FSHR: variants seen among roughly 807,000 people sequenced by gnomAD.
FSHR encodes the protein follicle-stimulating hormone receptor.
A neutral mutation model predicts 52.1 loss-of-function variants in FSHR; 46 were observed. The observed-to-expected ratio is 0.88, with a 90% CI of 0.70 to 1.13. The LOEUF (loss-of-function observed/expected upper bound fraction) is 1.13. Ranked by LOEUF, FSHR falls within the 50% of genes most tolerant of loss-of-function variation. The pLI is 0.00. For missense variants in FSHR, 964 were observed against 834.6 expected (o/e 1.16, Z -1.91); for synonymous variants, 399 against 309.6 (o/e 1.29, Z -3.03).
At chr2:49,038,915 G>A (rs1469021437) in intron 2 of FSHR, among the ~76,000 whole-genome samples, 1 of 152,012 alleles carries the variant, frequency 6.6e-6, no homozygotes, top group African/African-American at 2.4e-5. Context: ...GAAAAGAAGG[G>A]CTAAAGAAAT....
intron 2 of FSHR, among the ~76,000 whole-genome samples, chr2:49,051,043 C>G (rs1021828739): frequency 1.3e-5 from 2 of 152,008 alleles, no homozygotes; most frequent in Non-Finnish European, 2.9e-5. Flanking sequence ...GAGATTTATC[C>G]ATGTTGTTTT....
chr2:48,972,760 A>G (rs1331865932), intron 8 of FSHR, among the ~76,000 whole-genome samples: 1 of 152,186 alleles, frequency 6.6e-6, no homozygotes, highest in Non-Finnish European at 1.5e-5. Flanking sequence ...AACAATTTAG[A>G]CCAAGACCAT....
chr2:49,132,199 A>C (rs1672302428), intron 1 of FSHR, among the ~76,000 whole-genome samples: 1 of 152,052 alleles, frequency 6.6e-6, no homozygotes, highest in East Asian at 1.9e-4. Flanking sequence ...GGTCTCAGTG[A>C]TTTGCTGTGA....
At chr2:49,061,431 T>C (rs960939447) in intron 2 of FSHR, among the ~76,000 whole-genome samples, 1 of 151,112 alleles carries the variant, frequency 6.6e-6, no homozygotes, top group African/African-American at 2.4e-5. Flanking sequence ...TAAAGGAAAC[T>C]ATGGGTCAAA....
At chr2:49,130,529 C>G (rs1299903550) in intron 1 of FSHR, among the ~76,000 whole-genome samples, 1 of 152,196 alleles carries the variant, frequency 6.6e-6, no homozygotes, top group Non-Finnish European at 1.5e-5. Context: ...TTCAGTTCAA[C>G]TCATCTATTG....
chr2:49,087,066 C>A (rs1670421949), intron 1 of FSHR, among the ~76,000 whole-genome samples: 1 of 69,122 alleles, frequency 1.4e-5, no homozygotes, highest in African/African-American at 5.4e-5. Flanking sequence ...ACCCTGTGGG[C>A]AGGGTTTTTT....
At chr2:49,130,322 C>T (rs920491035) in intron 1 of FSHR, among the ~76,000 whole-genome samples, 11 of 152,112 alleles carry the variant, frequency 7.2e-5, no homozygotes, top group African/African-American at 2.7e-4. Context: ...TGCTCTGCTC[C>T]CATTTTGCTA....
At chr2:49,154,189 C>T in intron 1 of FSHR, 77 bp downstream of exon 1, 1 of 1,453,618 alleles carries the variant, frequency 6.9e-7, no homozygotes, top group Non-Finnish European at 9.6e-7. Context: ...CAGATATCAG[C>T]CTAATGTAAA....
At chr2:49,137,409 A>G (rs892981484) in intron 1 of FSHR, among the ~76,000 whole-genome samples, 22 of 152,118 alleles carry the variant, frequency 1.4e-4, no homozygotes, top group East Asian at 7.7e-4. Context: ...TAAGATGGCA[A>G]TACTCCCTAA....
chr2:48,969,362 G>T (rs1178396224), intron 8 of FSHR, among the ~76,000 whole-genome samples: 1 of 152,222 alleles, frequency 6.6e-6, no homozygotes, highest in African/African-American at 2.4e-5. Context: ...AGGAAGAAGA[G>T]TCTGGCAGGC....
chr2:49,117,163 G>C (rs1671631937), intron 1 of FSHR, among the ~76,000 whole-genome samples: 1 of 152,186 alleles, frequency 6.6e-6, no homozygotes, highest in Non-Finnish European at 1.5e-5. Context: ...TTCTGTTTTA[G>C]ATTACAAAAC....
chr2:49,100,850 G>C (rs547340476), intron 1 of FSHR, among the ~76,000 whole-genome samples: 12 of 152,306 alleles, frequency 7.9e-5, no homozygotes, highest in South Asian at 2.1e-4. Flanking sequence ...ACTGAGGAAA[G>C]CTGACCCAAA....
At chr2:49,085,084 C>G (rs1357590683) in intron 1 of FSHR, among the ~76,000 whole-genome samples, 1 of 152,032 alleles carries the variant, frequency 6.6e-6, no homozygotes, top group Non-Finnish European at 1.5e-5. Flanking sequence ...AACATTGATG[C>G]AAAAATCCTC....
chr2:49,072,109 A>G (rs1008118649), intron 1 of FSHR, among the ~76,000 whole-genome samples: 1 of 152,184 alleles, frequency 6.6e-6, no homozygotes, highest in Admixed American at 6.6e-5. Flanking sequence ...TTAAAAAATT[A>G]CTTTCTTTGA....
At chr2:49,076,775 G>A (rs1309536851) in intron 1 of FSHR, among the ~76,000 whole-genome samples, 2 of 152,130 alleles carry the variant, frequency 1.3e-5, no homozygotes, top group Non-Finnish European at 2.9e-5. Flanking sequence ...CATTCCAAAT[G>A]AGAGAAAGTG....
intron 3 of FSHR, among the ~76,000 whole-genome samples, chr2:49,019,139 A>G (rs1336566447): frequency 6.6e-6 from 1 of 152,232 alleles, no homozygotes; most frequent in Non-Finnish European, 1.5e-5. Flanking sequence ...TTCCAGTGAC[A>G]TTAGTTGACA....
At chr2:49,027,210 CCTTT>C (rs1667938469) in intron 2 of FSHR, among the ~76,000 whole-genome samples, 1 of 152,186 alleles carries the variant, frequency 6.6e-6, no homozygotes, top group South Asian at 2.1e-4. Context: ...TGCAAACCTC[CCTTT>C]ATTTCCCACC....
chr2:49,122,312 C>T (rs183452411), intron 1 of FSHR, among the ~76,000 whole-genome samples: 2 of 152,318 alleles, frequency 1.3e-5, no homozygotes, highest in East Asian at 1.9e-4. Flanking sequence ...ACAGAACTGT[C>T]ATCTTCCTAA....
At chr2:49,117,919 G>A (rs1337955480) in intron 1 of FSHR, among the ~76,000 whole-genome samples, 1 of 152,120 alleles carries the variant, frequency 6.6e-6, no homozygotes, top group East Asian at 1.9e-4. Context: ...CAACATAAAG[G>A]AGAATTATAG....
Sources: allele counts gnomAD v4.1 joint callset (sites outside exome capture counted in the v4.1 genomes callset), GRCh38; gene constraint gnomAD v4.1.1; transcripts MANE v1.5; gene names NCBI Gene and HGNC (gene_info 2026-07-23, HGNC 2026-07-21).